WDR41: variants seen among roughly 807,000 people sequenced by gnomAD.
The protein encoded by WDR41 is WD repeat domain 41, also known as WD repeat-containing protein 41.
Under a neutral mutation model 69.3 loss-of-function variants are expected in WDR41, and 63 were observed. That is an observed-to-expected ratio of 0.91 (90% CI 0.74 to 1.12). The LOEUF is 1.12. Among genes scored for constraint, WDR41 ranks in the 50% most tolerant of loss-of-function variants. The pLI, the probability that WDR41 is intolerant of heterozygous loss-of-function variation, is 0.00. For synonymous variants in WDR41, 185 were observed against 192.1 expected (o/e 0.96, Z 0.31); for missense variants, 543 against 534.5 (o/e 1.02, Z -0.16).
intron 1 of WDR41, among the ~76,000 whole-genome samples, chr5:77,565,332 GA>G (rs1227665439): frequency 1.3e-5 from 2 of 152,140 alleles, no homozygotes; most frequent in African/African-American, 4.8e-5. Context: ...ACGTTAAGCT[GA>G]ATGCCCTTTG....
intron 8 of WDR41, among the ~76,000 whole-genome samples, chr5:77,442,498 A>G (rs1186126349): frequency 6.6e-6 from 1 of 152,264 alleles, no homozygotes; most frequent in African/African-American, 2.4e-5. Context: ...TTAATACTGG[A>G]TAGTGGAAAG....
chr5:77,517,536 A>T (rs1476299879), intron 1 of WDR41, among the ~76,000 whole-genome samples: 1 of 151,770 alleles, frequency 6.6e-6, no homozygotes, highest in African/African-American at 2.4e-5. Context: ...GTCACTGTCT[A>T]TTTCAACTTT....
At chr5:77,464,127 T>G (rs1466642064) in intron 3 of WDR41, among the ~76,000 whole-genome samples, 2 of 152,110 alleles carry the variant, frequency 1.3e-5, no homozygotes, top group African/African-American at 2.4e-5. Flanking sequence ...GAAAGAAAAC[T>G]TGTGTGTCTC....
At chr5:77,605,412 G>T (rs1330452192) in intron 1 of WDR41, among the ~76,000 whole-genome samples, 1 of 152,224 alleles carries the variant, frequency 6.6e-6, no homozygotes, top group Non-Finnish European at 1.5e-5. Flanking sequence ...TGGGTATTTT[G>T]TTGTTGTTTC....
intron 1 of WDR41, among the ~76,000 whole-genome samples, chr5:77,522,198 G>A (rs1802381006): frequency 6.6e-6 from 1 of 152,218 alleles, no homozygotes; most frequent in Non-Finnish European, 1.5e-5. Context: ...GTACAGATAG[G>A]CTGTGGCTCT....
intron 2 of WDR41, among the ~76,000 whole-genome samples, chr5:77,478,405 A>C (rs1328299550): frequency 6.6e-6 from 1 of 152,210 alleles, no homozygotes; most frequent in Non-Finnish European, 1.5e-5. Context: ...TCCTTGATGA[A>C]CACTGATGCA....
At chr5:77,435,533 C>G (rs1581687195) in intron 12 of WDR41, among the ~76,000 whole-genome samples, 1 of 152,310 alleles carries the variant, frequency 6.6e-6, no homozygotes, top group Non-Finnish European at 1.5e-5. Context: ...TGCCGCTGCT[C>G]CTCCTAAGCA....
intron 2 of WDR41, among the ~76,000 whole-genome samples, chr5:77,479,912 G>A (rs1453754675): frequency 2.3e-4 from 35 of 151,738 alleles, no homozygotes; most frequent in Admixed American, 7.9e-4. Context: ...GAAAATTTTC[G>A]CAACCTACTC....
chr5:77,482,048 G>A (rs1801297098), intron 2 of WDR41, among the ~76,000 whole-genome samples: 1 of 152,146 alleles, frequency 6.6e-6, no homozygotes, highest in Admixed American at 6.5e-5. Flanking sequence ...AATACAGATA[G>A]TTAACTTTTC....
chr5:77,543,745 G>T (rs1009517264), intron 1 of WDR41, among the ~76,000 whole-genome samples: 1 of 152,100 alleles, frequency 6.6e-6, no homozygotes, highest in Admixed American at 6.5e-5. Context: ...GAGAGTAATT[G>T]AGGAAAACTT....
chr5:77,488,894 T>G (rs1418700371), intron 2 of WDR41, among the ~76,000 whole-genome samples: 2 of 152,196 alleles, frequency 1.3e-5, no homozygotes, highest in Non-Finnish European at 2.9e-5. Context: ...TTAATATACA[T>G]ATATACATAT....
At chr5:77,564,334 G>A (rs1159621638) in intron 1 of WDR41, among the ~76,000 whole-genome samples, 2 of 152,148 alleles carry the variant, frequency 1.3e-5, no homozygotes, top group Non-Finnish European at 2.9e-5. Flanking sequence ...CAAGAGAATT[G>A]CTTGAGGCCA....
chr5:77,591,064 A>G (rs1354064427), intron 1 of WDR41, among the ~76,000 whole-genome samples: 1 of 152,142 alleles, frequency 6.6e-6, no homozygotes, highest in Non-Finnish European at 1.5e-5. Context: ...ATTAGACTCA[A>G]TTTCTTTAAT....
chr5:77,615,016 AAAG>A (rs1056763907), intron 1 of WDR41, among the ~76,000 whole-genome samples: 3 of 152,320 alleles, frequency 2.0e-5, no homozygotes, highest in African/African-American at 7.2e-5. Context: ...ATACAAATAG[AAAG>A]AAGATCAGTG....
At chr5:77,474,791 A>G (rs533756591) in intron 2 of WDR41, among the ~76,000 whole-genome samples, 3 of 152,326 alleles carry the variant, frequency 2.0e-5, no homozygotes, top group African/African-American at 7.2e-5. Context: ...ACTACACATC[A>G]AGATTACAGT....
intron 1 of WDR41, among the ~76,000 whole-genome samples, chr5:77,586,290 TTATTTATTTATG>T (rs1744037168): frequency 6.8e-6 from 1 of 146,174 alleles, no homozygotes; most frequent in South Asian, 2.2e-4. Context: ...TTGTATTTAT[TTATTTATTTATG>T]TATTTATTTA....
intron 1 of WDR41, among the ~76,000 whole-genome samples, chr5:77,498,778 C>A (rs1581774420): frequency 6.8e-6 from 1 of 146,222 alleles, no homozygotes; most frequent in Non-Finnish European, 1.5e-5. Flanking sequence ...ATGTTCATGC[C>A]ACTGTACTTC....
chr5:77,433,869 G>A (rs1411609160), intron 12 of WDR41, among the ~76,000 whole-genome samples: 7 of 152,202 alleles, frequency 4.6e-5, no homozygotes, highest in African/African-American at 1.7e-4. Flanking sequence ...GGGAGAAAAT[G>A]CCCCAAGTAA....
intron 1 of WDR41, among the ~76,000 whole-genome samples, chr5:77,506,758 A>C (rs188857250): frequency 1.2e-3 from 189 of 152,230 alleles, no homozygotes; most frequent in African/African-American, 4.4e-3. Context: ...GAAGCTGGAA[A>C]CTGTCATTCT....
Sources: allele counts gnomAD v4.1 joint callset (sites outside exome capture counted in the v4.1 genomes callset), GRCh38; gene constraint gnomAD v4.1.1; transcripts MANE v1.5; gene names NCBI Gene and HGNC (gene_info 2026-07-23, HGNC 2026-07-21).